DYSF: variants seen among roughly 807,000 people sequenced by gnomAD.
The protein encoded by DYSF is dysferlin.
DYSF carries 212 observed loss-of-function variants against 274.9 expected under a neutral mutation model. That is an observed-to-expected ratio of 0.77 (90% confidence interval 0.69 to 0.86). DYSF has a LOEUF of 0.86. DYSF is among the 40% of genes least tolerant of loss of function. The pLI is 0.00. For synonymous variants in DYSF, 1,091 were observed against 1,078.7 expected (o/e 1.01, Z -0.22); for missense variants, 2,666 against 2,783.2 (o/e 0.96, Z 0.95).
At chr2:71,666,340 C>G (rs1356419731) in intron 47 of DYSF, among the ~76,000 whole-genome samples, 2 of 152,200 alleles carry the variant, frequency 1.3e-5, no homozygotes, top group African/African-American at 4.8e-5. Flanking sequence ...AACGACCTGC[C>G]CAACGTCACC....
chr2:71,570,338 G>T lies in DYSF; in HGVS notation c.3085+4G>T. On this transcript the variant is annotated splice_donor_region_variant and intron_variant, in intron 28 of 55. Transcript: ENST00000410020. ...AACCGGGCTGTCGATGAGCAAGGTG[G>T]GCAGCATGTGGAACCTGGCGAGCCC... is the stretch of plus-strand genomic sequence containing the variant. 1 of 1,613,762 alleles carries T rather than the reference G, an allele frequency of 6.2e-7. No individual in the cohort carries two copies. Among genetic ancestry groups the T allele is most frequent in the Non-Finnish European group, 8.5e-7 (1 of 1,179,770 alleles).
chr2:71,577,485 A>G (rs955731452), intron 30 of DYSF, among the ~76,000 whole-genome samples: 3 of 149,174 alleles, frequency 2.0e-5, no homozygotes, highest in Admixed American at 6.7e-5. Flanking sequence ...ACACTCCCAT[A>G]TATACCAACA....
At chr2:71,598,448 C>T (rs550753292) in intron 32 of DYSF, 116 bp from the exon 33 acceptor site, 147 of 1,245,162 alleles carry the variant, frequency 1.2e-4, no homozygotes, top group Admixed American at 1.5e-4. Context: ...TGTTGTTGCT[C>T]CAGAGTGGCA....
chr2:71,462,500 G>C (rs150772013), upstream of DYSF, among the ~76,000 whole-genome samples: 593 of 152,268 alleles, frequency 3.9e-3, 4 homozygotes, highest in Middle Eastern at 0.017. Context: ...GGGTTGGGGT[G>C]GGGGGCAGGC....
At chr2:71,660,479 A>T (rs2094858749) in intron 44 of DYSF, 81 bp from the exon 45 acceptor site, 1 of 1,241,102 alleles carries the variant, frequency 8.1e-7, no homozygotes, top group Non-Finnish European at 1.2e-6. Context: ...CCCTCATCCC[A>T]TCCAGAGGCA....
intron 12 of DYSF, among the ~76,000 whole-genome samples, chr2:71,521,873 T>C (rs899450486): frequency 9.2e-5 from 14 of 152,114 alleles, no homozygotes; most frequent in Admixed American, 9.2e-4. Context: ...GTTCCCAGAC[T>C]TTCTTCCCTT....
chr2:71,504,485 C>T (rs900825033), intron 4 of DYSF, among the ~76,000 whole-genome samples: 3 of 152,178 alleles, frequency 2.0e-5, no homozygotes, highest in Admixed American at 6.5e-5. Flanking sequence ...TCTCATCCTC[C>T]GTTTCAGCCT....
intron 36 of DYSF, chr2:71,611,021 C>T (rs975532569): frequency 8.4e-6 from 5 of 597,436 alleles, no homozygotes; most frequent in Non-Finnish European, 1.5e-5. Context: ...GTGACCTGAA[C>T]CCTGGATGAA....
chr2:71,491,809 A>G (rs1371272959), intron 3 of DYSF, among the ~76,000 whole-genome samples: 1 of 152,112 alleles, frequency 6.6e-6, no homozygotes, highest in African/African-American at 2.4e-5. Context: ...TATCCAGTCT[A>G]TCATCGATGG....
chr2:71,480,897 A>T lies in DYSF; in HGVS notation c.106A>T (p.Thr36Ser), dbSNP rs985470984. ...GTCTCTTGTAGGGGTGAAGAAGAGA[A>T]CCAAAGTCATCAAGAACAGCGTGAA... The part of the protein sequence containing the change: ...SLTFRGVKKR[T>S]KVIKNSVNPV... Residue 36 changes from threonine to serine, a missense_variant, in exon 2 of 56, where the codon ACC (threonine) becomes TCC (serine). By Grantham distance (58) the Thr-to-Ser change is moderately conservative. Coordinates refer to ENST00000410020, the MANE Select transcript of DYSF (RefSeq NM_001130987.2). 4.3e-6 allele frequency: 7 copies of T among 1,614,060 alleles called. No homozygotes were observed. Among genetic ancestry groups the T allele is most frequent in the Non-Finnish European group, 5.9e-6 (7 of 1,180,020 alleles).
chr2:71,677,652 A>G (rs1416222127), intron 52 of DYSF, among the ~76,000 whole-genome samples: 2 of 37,100 alleles, frequency 5.4e-5, no homozygotes, highest in Admixed American at 3.1e-4. Context: ...CTTCACACCT[A>G]CTAAGATAAT....
intron 36 of DYSF, 76 bp from the exon 37 acceptor site, chr2:71,611,165 CCTAT>C: frequency 1.9e-6 from 2 of 1,053,812 alleles, no homozygotes; most frequent in Non-Finnish European, 3.0e-6. Flanking sequence ...TTCTTTCTGT[CCTAT>C]CTGTCCTTCT....
At chr2:71,649,696 C>T (rs539912817) in intron 42 of DYSF, among the ~76,000 whole-genome samples, 1 of 151,936 alleles carries the variant, frequency 6.6e-6, no homozygotes, top group Non-Finnish European at 1.5e-5. Flanking sequence ...AAAAAAAGAA[C>T]CTATGAAATG....
intron 54 of DYSF, among the ~76,000 whole-genome samples, chr2:71,681,607 C>T (rs1434262040): frequency 1.3e-5 from 2 of 152,202 alleles, no homozygotes; most frequent in African/African-American, 2.4e-5. Flanking sequence ...GTTTTTCAGC[C>T]TTCATTTTTC....
At chr2:71,637,726 C>G (rs569612285) in intron 41 of DYSF, among the ~76,000 whole-genome samples, 3 of 152,086 alleles carry the variant, frequency 2.0e-5, no homozygotes, top group Non-Finnish European at 2.9e-5. Flanking sequence ...TACAATGGAA[C>G]AAGAGAGGTG....
In DYSF at chr2:71,620,657, G is replaced by A. The variant is rs1018826319; in HGVS notation, c.4527+48G>A. ...TGGGCTCCTTGTATTCCCTTGTGGG[G>A]CTGGGGGTAGGGGGGTTAGGAGGGA... On this transcript the variant is annotated intron_variant, in intron 41 of 55. Transcript: ENST00000410020. The A allele has an allele frequency of 2.4e-5, 37 of 1,534,624 alleles. No homozygotes were observed. In the Admixed American group the frequency reaches 6.7e-4, roughly 28 times the overall value.
chr2:71,618,567 T>TGTGTGGGGTATAG (rs2093995870), intron 40 of DYSF, among the ~76,000 whole-genome samples: 1 of 14,960 alleles, frequency 6.7e-5, no homozygotes, highest in Non-Finnish European at 1.4e-4. Context: ...GGAGTGTGTG[T>TGTGTGGGGTATAG]TTGTGTGGGG....
intron 10 of DYSF, among the ~76,000 whole-genome samples, chr2:71,519,364 G>A (rs879619666): frequency 7.2e-5 from 11 of 152,032 alleles, no homozygotes; most frequent in Admixed American, 1.3e-4. Flanking sequence ...TATTTTACTT[G>A]TATCTAATTA....
chr2:71,669,236 C>T, intron 50 of DYSF, 29 bp downstream of exon 50: 1 of 1,530,510 alleles, frequency 6.5e-7, no homozygotes, highest in Admixed American at 1.9e-5. Flanking sequence ...CTTGCCTGTC[C>T]AGCTTCCCGC....
Sources: gnomAD v4.1 joint callset for allele counts (sites outside exome capture counted in the v4.1 genomes callset) on GRCh38, gnomAD v4.1.1 for gene constraint, MANE v1.5 for transcripts, NCBI Gene and HGNC (gene_info 2026-07-23, HGNC 2026-07-21) for gene names.